Variants in GTPBP10 observed in about 807,000 individuals in gnomAD.
The protein encoded by GTPBP10 is GTP binding protein 10.
Under a neutral mutation model 44.8 loss-of-function variants are expected in GTPBP10, and 38 were observed. The ratio of observed to expected loss-of-function variants is 0.85; its 90% confidence interval spans 0.65 to 1.11. The LOEUF (loss-of-function observed/expected upper bound fraction) is 1.11, where lower values mean the gene tolerates loss of function less well. GTPBP10 is among the 50% of genes most tolerant of loss of function. GTPBP10 has a pLI of 0.00. For missense variants in GTPBP10, 462 were observed against 453.7 expected (o/e 1.02, Z -0.17); for synonymous variants, 152 against 150.6 (o/e 1.01, Z -0.07).
At chr7:90,380,740 G>A (rs901992367) in intron 8 of GTPBP10, among the ~76,000 whole-genome samples, 1 of 152,048 alleles carries the variant, frequency 6.6e-6, no homozygotes, top group Non-Finnish European at 1.5e-5. Flanking sequence ...GATCTTCAGG[G>A]CTTATTCATC....
In GTPBP10 at chr7:90,385,302, G is replaced by A. The variant is rs1796505357; in HGVS notation, c.*148G>A. 8 of 587,560 alleles carry A rather than the reference G, an allele frequency of 1.4e-5. No homozygotes were observed. Among genetic ancestry groups the A allele is most frequent in the Non-Finnish European group, 2.0e-5 (7 of 346,906 alleles). The allele number at this position is 587,560 out of a possible 1,614,324, so 36.4% of individuals were successfully genotyped here. ...GCATAATCTCACTGTGGAATCTTAAGTTGAACTCATAGAAGGAGAGAATAG... is the reference window on the plus strand; with the variant it reads ...GCATAATCTCACTGTGGAATCTTAAATTGAACTCATAGAAGGAGAGAATAG... On this transcript the variant is annotated 3_prime_UTR_variant, in exon 10 of 10. Coordinates refer to ENST00000222511, the MANE Select transcript of GTPBP10 (RefSeq NM_033107.4).
chr7:90,359,983 GTTGT>G lies in GTPBP10; in HGVS notation c.464+4760_464+4763del, dbSNP rs565746586. Among the ~76,000 whole-genome samples the G allele has an allele frequency of 2.9e-3, 449 of 152,232 alleles. 4 individuals carry two copies. The highest frequency in any genetic ancestry group is 4.0e-3 in the Non-Finnish European group (274 of 68,004). ...TATCCTTCGCCCACTTTTTGATGGG[GTTGT>G]TTGTTTTTTTCTTGTAAATTTGCTT... On this transcript the variant is annotated intron_variant, in intron 4 of 9. Coordinates refer to ENST00000222511, the MANE Select transcript of GTPBP10 (RefSeq NM_033107.4).
At chr7:90,379,666 C>T (rs777499393) in intron 8 of GTPBP10, among the ~76,000 whole-genome samples, 1 of 152,148 alleles carries the variant, frequency 6.6e-6, no homozygotes, top group Non-Finnish European at 1.5e-5. Context: ...GTTTTCATTT[C>T]TCTTGGATGT....
intron 1 of GTPBP10, among the ~76,000 whole-genome samples, chr7:90,351,752 G>A (rs56116343): frequency 0.44 from 66,423 of 151,916 alleles, 15,953 homozygotes; most frequent in Non-Finnish European, 0.55. Flanking sequence ...CTAGAGTGCA[G>A]TGGCTTGATC....
In GTPBP10 at chr7:90,385,168, G is replaced by A. The variant is rs765619753; in HGVS notation, c.*14G>A. On this transcript the variant is annotated 3_prime_UTR_variant, in exon 10 of 10. Coordinates refer to ENST00000222511, the MANE Select transcript of GTPBP10 (RefSeq NM_033107.4). ...GATATAATTTAAATATATTAAAAATGGTATTGATGGAACAGTATTTAATGC... is the reference window on the plus strand; with the variant it reads ...GATATAATTTAAATATATTAAAAATAGTATTGATGGAACAGTATTTAATGC... 6.5e-7 allele frequency: 1 copy of A among 1,544,480 alleles called. No individual in the cohort carries two copies. Among genetic ancestry groups the A allele is most frequent in the South Asian group, 1.2e-5 (1 of 84,530 alleles).
Position 90,385,110 on chromosome 7 carries a change from C to T in GTPBP10, c.1120C>T (p.Pro374Ser), listed in dbSNP as rs1335090022. 1 of 1,611,006 alleles carries T rather than the reference C, an allele frequency of 6.2e-7. No individual in the cohort carries two copies. Among genetic ancestry groups the T allele is most frequent in the Admixed American group, 1.7e-5 (1 of 59,878 alleles). ...TGATACAATGTCTTCTACTGAGCCA[C>T]CATCAAAGCATGCTGTTACTACTTC... ...ISDTMSSTEP[P>S]SKHAVTTSKM... Residue 374 changes from proline to serine, a missense_variant, in exon 10 of 10, where the codon CCA (proline) becomes TCA (serine). By Grantham distance (74) the Pro-to-Ser change is moderately conservative (BLOSUM62 -1). Coordinates refer to ENST00000222511, the MANE Select transcript of GTPBP10 (RefSeq NM_033107.4).
chr7:90,373,383 T>G (rs1482200286), intron 5 of GTPBP10, among the ~76,000 whole-genome samples: 1 of 152,116 alleles, frequency 6.6e-6, no homozygotes, highest in Non-Finnish European at 1.5e-5. Flanking sequence ...CTAGATGAGA[T>G]ATAAAAGAAG....
chr7:90,388,726 C>T lies in GTPBP10; in HGVS notation c.*3572C>T, dbSNP rs1372109419. The T allele has an allele frequency of 1.3e-5, 2 of 152,082 alleles. No individual in the cohort carries two copies. Among genetic ancestry groups the T allele is most frequent in the Non-Finnish European group, 2.9e-5 (2 of 67,988 alleles). The allele number at this position is 152,082 out of a possible 1,614,324, so 9.4% of individuals were successfully genotyped here. A position where few individuals can be genotyped will look rare whatever the true frequency, so the allele number is the denominator to read the frequency against. ...TGTAAAGTTATGTGTTTTCTTTTAT[C>T]TCAGTGCTTATTTGCTTTGCAAGGA... On this transcript the variant is annotated 3_prime_UTR_variant, in exon 10 of 10. Coordinates refer to ENST00000222511, the MANE Select transcript of GTPBP10 (RefSeq NM_033107.4).
chr7:90,354,561 A>T lies in GTPBP10; in HGVS notation c.319+12A>T, dbSNP rs368507590. The T allele has an allele frequency of 1.7e-5, 24 of 1,385,920 alleles. No homozygotes were observed. Among genetic ancestry groups the T allele is most frequent in the Non-Finnish European group, 2.3e-5 (23 of 1,001,888 alleles). The allele number at this position is 1,385,920 out of a possible 1,614,324, so 85.9% of individuals were successfully genotyped here. ...TGGTAAAATTATAGGTGAGTGTACT[A>T]TAACTCCAAAAGTTGTAAAAATGTG... is the stretch of plus-strand genomic sequence containing the variant. On this transcript the variant is annotated intron_variant, in intron 3 of 9. Transcript: ENST00000222511.
Position 90,372,149 on chromosome 7 carries a change from T to A in GTPBP10, c.465-6T>A. On this transcript the variant is annotated splice_region_variant and splice_polypyrimidine_tract_variant and intron_variant, in intron 4 of 9. Transcript: ENST00000222511. ...ATTTGTGTATAATTTTATATTCTTGTTTCAGATTCCCAAATGCTGGAAAAT... is the reference window on the plus strand; with the variant it reads ...ATTTGTGTATAATTTTATATTCTTGATTCAGATTCCCAAATGCTGGAAAAT... 6.3e-7 allele frequency: 1 copy of A among 1,579,510 alleles called. No individual in the cohort carries two copies. Among genetic ancestry groups the A allele is most frequent in the Non-Finnish European group, 8.7e-7 (1 of 1,152,620 alleles).
rs1365129573 is a variant in GTPBP10 at position 90,382,936 on chromosome 7, T to C, written c.778-20T>C. 4 of 1,473,284 alleles carry C rather than the reference T, an allele frequency of 2.7e-6. No individual in the cohort carries two copies. Among genetic ancestry groups the C allele is most frequent in the Non-Finnish European group, 2.7e-6 (3 of 1,096,868 alleles). The allele number at this position is 1,473,284 out of a possible 1,614,324, so 91.3% of individuals were successfully genotyped here. A position where few individuals can be genotyped will look rare whatever the true frequency, so the allele number is the denominator to read the frequency against. The stretch of plus-strand genomic sequence containing the variant: ...AGAAACCAGTACTAAAATTATTGGG[T>C]TTTCTCTTTTGATTTAAAGGAGTTG... On this transcript the variant is annotated intron_variant, in intron 8 of 9. Transcript: ENST00000222511.
In GTPBP10 at chr7:90,355,228, A is replaced by G; in HGVS notation, c.462A>G (p.Val154=). The G allele has an allele frequency of 6.3e-7, 1 of 1,577,194 alleles. No individual in the cohort carries two copies. Among genetic ancestry groups the G allele is most frequent in the Non-Finnish European group, 8.6e-7 (1 of 1,159,040 alleles). The change falls in exon 4 of 10, where the codon GTA becomes GTG. Residue 154 remains valine (V), a splice_region_variant and synonymous_variant. Transcript: ENST00000222511. ...AACTTATAGCTGATGTAGGCCTAGT[A>G]GGGTAAGTATCGTTCATATTTTTAT... The part of the protein sequence containing the change: ...DLKLIADVGL[V]GFPNAGKSSL...
At chr7:90,383,298 T>C (rs1363134088) in intron 9 of GTPBP10, among the ~76,000 whole-genome samples, 2 of 152,186 alleles carry the variant, frequency 1.3e-5, no homozygotes, top group African/African-American at 2.4e-5. Context: ...AAAGATTAAT[T>C]TGAACTAAAA....
intron 4 of GTPBP10, among the ~76,000 whole-genome samples, chr7:90,369,644 C>T (rs1052483134): frequency 1.3e-5 from 2 of 152,176 alleles, no homozygotes; most frequent in Admixed American, 1.3e-4. Context: ...GAGGATATTT[C>T]CTGGTCTGCC....
Position 90,377,554 on chromosome 7 carries a change from C to A in GTPBP10, c.639C>A (p.Asn213Lys), listed in dbSNP as rs1196811654. ...LPGLIEGAHM[N>K]KGMGHKFLKH... ...GTTTAATAGAAGGAGCACATATGAA[C>A]AAAGGAATGGGCCACAAATTCCTCA... Residue 213 changes from asparagine to lysine, a missense_variant, in exon 7 of 10, where the codon AAC (asparagine) becomes AAA (lysine). Asn to Lys is a moderately conservative substitution (Grantham distance 94, BLOSUM62 0). Transcript: ENST00000222511. The A allele has an allele frequency of 1.2e-6, 2 of 1,611,116 alleles. No homozygotes were observed. The highest frequency in any genetic ancestry group is 1.7e-5 in the Admixed American group (1 of 59,802).
chr7:90,349,985 A>G (rs1249539040), intron 1 of GTPBP10, among the ~76,000 whole-genome samples: 1 of 151,724 alleles, frequency 6.6e-6, no homozygotes, highest in East Asian at 1.9e-4. Flanking sequence ...GGTTTGTTAC[A>G]TAGGTATACA....
Position 90,387,457 on chromosome 7 carries a change from AGTATT to A in GTPBP10, c.*2304_*2308del. The A allele has an allele frequency of 6.6e-6, 1 of 152,304 alleles. No homozygotes were observed. Among genetic ancestry groups the A allele is most frequent in the Non-Finnish European group, 1.5e-5 (1 of 68,026 alleles). 9.4% of individuals were successfully genotyped at this position (152,304 alleles called of 1,614,324 possible). ...GATATGGCTGTTCACCCTTTGGTAA[AGTATT>A]AAAGAAAAATAATGCATTGTTCTCA... On this transcript the variant is annotated 3_prime_UTR_variant, in exon 10 of 10. Transcript: ENST00000222511.
intron 4 of GTPBP10, chr7:90,371,166 A>G (rs1467363945): frequency 1.0e-6 from 1 of 960,518 alleles, no homozygotes; most frequent in Non-Finnish European, 1.2e-6. Context: ...TTGCATAAAG[A>G]AAAAGTTGTC....
At chr7:90,349,442 T>A (rs42652) in intron 1 of GTPBP10, among the ~76,000 whole-genome samples, 137,281 of 152,214 alleles carry the variant, frequency 0.9, 62,186 homozygotes, top group East Asian at 1. Flanking sequence ...GCACTGTCCA[T>A]TAGCAGAGGA....
Sources: gnomAD v4.1 joint callset for allele counts (sites outside exome capture counted in the v4.1 genomes callset) on GRCh38, gnomAD v4.1.1 for gene constraint, MANE v1.5 for transcripts, NCBI Gene and HGNC (gene_info 2026-07-23, HGNC 2026-07-21) for gene names.